EHBP1: variants seen among roughly 807,000 people sequenced by gnomAD.
The protein encoded by EHBP1 is EH domain binding protein 1.
In EHBP1, 55 loss-of-function variants were observed where a neutral mutation model predicts 144.0. The observed-to-expected ratio is 0.38, with a 90% CI of 0.31 to 0.48. The LOEUF (loss-of-function observed/expected upper bound fraction) is 0.48. Ranked by LOEUF, EHBP1 falls within the 20% of genes least tolerant of loss-of-function variation. The pLI is 0.98. For synonymous variants in EHBP1, 469 were observed against 472.7 expected (o/e 0.99, Z 0.10); for missense variants, 1,200 against 1,364.2 (o/e 0.88, Z 1.90).
intron 19 of EHBP1, among the ~76,000 whole-genome samples, chr2:63,035,729 T>C (rs2061419125): frequency 6.6e-6 from 1 of 152,062 alleles, no homozygotes; most frequent in Non-Finnish European, 1.5e-5. Context: ...ACATGTGGCA[T>C]TTCACTGATC....
intron 19 of EHBP1, among the ~76,000 whole-genome samples, chr2:63,019,946 T>G (rs2060656171): frequency 6.6e-6 from 1 of 151,256 alleles, no homozygotes; most frequent in Non-Finnish European, 1.5e-5. Context: ...TCTAGCACTT[T>G]GGGAGGCCGA....
intron 7 of EHBP1, among the ~76,000 whole-genome samples, chr2:62,832,318 T>C (rs1558752422): frequency 6.6e-6 from 1 of 152,148 alleles, no homozygotes; most frequent in African/African-American, 2.4e-5. Flanking sequence ...TCTAGAAATA[T>C]GTTTTTACAT....
chr2:62,771,656 A>G (rs538364118), intron 5 of EHBP1: 1 of 169,508 alleles, frequency 5.9e-6, no homozygotes, highest in East Asian at 1.5e-4. Context: ...TTATATATAT[A>G]AAAAATATAT....
At chr2:62,701,425 A>G (rs1434215429), upstream of EHBP1, among the ~76,000 whole-genome samples, 1 of 152,192 alleles carries the variant, frequency 6.6e-6, no homozygotes, top group East Asian at 1.9e-4. Context: ...CAAGTATTCA[A>G]TAGTCACATG....
intron 2 of EHBP1, among the ~76,000 whole-genome samples, chr2:62,724,550 C>A (rs1427583656): frequency 3.9e-5 from 6 of 152,014 alleles, no homozygotes; most frequent in African/African-American, 1.4e-4. Context: ...GGCACTTTGG[C>A]TTTTTGAATT....
chr2:62,961,281 A>G (rs916040080), intron 14 of EHBP1, among the ~76,000 whole-genome samples: 13 of 152,220 alleles, frequency 8.5e-5, no homozygotes, highest in African/African-American at 3.1e-4. Context: ...TACTTGGTAA[A>G]ACTACTTATT....
chr2:62,989,761 G>T (rs1352431025), intron 15 of EHBP1, among the ~76,000 whole-genome samples: 1 of 151,950 alleles, frequency 6.6e-6, no homozygotes, highest in Non-Finnish European at 1.5e-5. Flanking sequence ...AATATATTAT[G>T]ATTTTTATCC....
rs756947210 is a variant in EHBP1 at position 62,874,371 on chromosome 2, T to G, written c.1024T>G (p.Ser342Ala). The G allele has an allele frequency of 6.2e-7, 1 of 1,602,392 alleles. No homozygotes were observed. Among genetic ancestry groups the G allele is most frequent in the Non-Finnish European group, 8.5e-7 (1 of 1,175,252 alleles). The stretch of plus-strand genomic sequence containing the variant: ...ATCAAATCCTTTTTATGAACCTAAA[T>G]CAACTCCTCCTCCAAATAATTTGGT... ...DESNPFYEPK[S>A]TPPPNNLVNP... Residue 342 changes from serine (S) to alanine (A), a missense_variant, in exon 10 of 23, where the codon TCA becomes GCA. Ser to Ala is a moderately conservative substitution (Grantham distance 99). This residue lies in a region of EHBP1 where 266 missense variants were observed against 262.4 expected (regional missense o/e 1.01). Coordinates refer to ENST00000431489, the MANE Select transcript of EHBP1 (RefSeq NM_001142616.3).
intron 19 of EHBP1, among the ~76,000 whole-genome samples, chr2:63,006,805 A>C (rs1015550157): frequency 6.6e-6 from 1 of 151,680 alleles, no homozygotes; most frequent in Non-Finnish European, 1.5e-5. Flanking sequence ...TTAGTTTAGA[A>C]TTAATAAATA....
At chr2:63,035,872 A>G (rs1425284133) in intron 19 of EHBP1, among the ~76,000 whole-genome samples, 1 of 152,052 alleles carries the variant, frequency 6.6e-6, no homozygotes, top group Admixed American at 6.6e-5. Context: ...TCACATGACC[A>G]GTGTCAAGAC....
chr2:62,951,768 T>C (rs1232672616), intron 13 of EHBP1, among the ~76,000 whole-genome samples: 1 of 152,118 alleles, frequency 6.6e-6, no homozygotes, highest in East Asian at 1.9e-4. Context: ...CAGGTGATCC[T>C]CCTGCCTCAG....
At chr2:62,815,840 C>T (rs988839314) in intron 5 of EHBP1, among the ~76,000 whole-genome samples, 5 of 152,158 alleles carry the variant, frequency 3.3e-5, no homozygotes, top group African/African-American at 1.2e-4. Flanking sequence ...GTATTATATA[C>T]TGCAGTGTGT....
At chr2:63,003,682 T>G (rs2059928554) in intron 19 of EHBP1, among the ~76,000 whole-genome samples, 1 of 152,104 alleles carries the variant, frequency 6.6e-6, no homozygotes, top group African/African-American at 2.4e-5. Context: ...AACTCTTAAT[T>G]ACTGCATTGC....
intron 2 of EHBP1, among the ~76,000 whole-genome samples, chr2:62,711,541 A>G (rs1036658226): frequency 9.2e-5 from 14 of 152,246 alleles, no homozygotes; most frequent in African/African-American, 3.4e-4. Context: ...AAAGTCTCAA[A>G]CTCAGAGGCT....
intron 14 of EHBP1, among the ~76,000 whole-genome samples, chr2:62,968,132 A>AGG (rs1470369400): frequency 6.6e-6 from 1 of 152,140 alleles, no homozygotes; most frequent in Non-Finnish European, 1.5e-5. Flanking sequence ...AACTGTCAGC[A>AGG]GTTTTTTTGG....
Position 62,756,302 on chromosome 2 carries a change from T to C in EHBP1, c.163-7964T>C, listed in dbSNP as rs138694821. Among the ~76,000 whole-genome samples the C allele has an allele frequency of 1.9e-3, 288 of 152,326 alleles. 1 individual carries two copies. The highest frequency in any genetic ancestry group is 6.7e-3 in the African/African-American group (277 of 41,570). ...AGGCTACAGGTTGATTTTCATAGAA[T>C]ATAGTATTTTGTAGAAGAAATTACT... On this transcript the variant is annotated intron_variant, in intron 3 of 22. Transcript: ENST00000431489.
intron 19 of EHBP1, among the ~76,000 whole-genome samples, chr2:63,000,590 G>A (rs557848843): frequency 6.6e-6 from 1 of 151,970 alleles, no homozygotes; most frequent in African/African-American, 2.4e-5. Context: ...CCAGCTACTC[G>A]GGAAGCTGAG....
intron 10 of EHBP1, chr2:62,940,187 C>T (rs774639709): frequency 1.1e-5 from 4 of 351,768 alleles, no homozygotes; most frequent in Non-Finnish European, 2.2e-5. Flanking sequence ...CATCCGCAAG[C>T]AGTTTATTGA....
intron 10 of EHBP1, among the ~76,000 whole-genome samples, chr2:62,913,264 T>C (rs2054358635): frequency 1.3e-5 from 2 of 152,212 alleles, no homozygotes; most frequent in African/African-American, 4.8e-5. Flanking sequence ...TATTCAATTA[T>C]AATGTTAAGA....
Sources: gnomAD v4.1 joint callset for allele counts (sites outside exome capture counted in the v4.1 genomes callset) on GRCh38, gnomAD v4.1.1 for gene constraint, gnomAD v4.1.1 regional missense constraint, MANE v1.5 for transcripts, NCBI Gene and HGNC (gene_info 2026-07-23, HGNC 2026-07-21) for gene names.